NAA15: variants seen among roughly 807,000 people sequenced by gnomAD.
NAA15 encodes the protein N-alpha-acetyltransferase 15, NatA auxiliary subunit.
Under a neutral mutation model 114.0 loss-of-function variants are expected in NAA15, and 34 were observed. The observed-to-expected ratio is 0.30, with a 90% confidence interval of 0.23 to 0.40. NAA15 has a LOEUF of 0.40. Ranked by LOEUF, NAA15 falls within the 10% of genes least tolerant of loss-of-function variation. The pLI is 1.00. For missense variants in NAA15, 658 were observed against 1,004.5 expected, an observed-to-expected ratio of 0.66 and a Z score of 4.66; for synonymous variants, 340 against 338.0, an observed-to-expected ratio of 1.01 and a Z score of -0.06.
At chr4:139,378,613 G>T (rs1748655656) in intron 16 of NAA15, 143 bp from the exon 17 acceptor site, 2 of 424,824 alleles carry the variant, frequency 4.7e-6, no homozygotes, top group Non-Finnish European at 8.3e-6. Context: ...CTAAATTTGA[G>T]GAAAATCGTT....
intron 17 of NAA15, among the ~76,000 whole-genome samples, chr4:139,380,908 C>G (rs953480034): frequency 2.0e-5 from 3 of 152,084 alleles, no homozygotes; most frequent in African/African-American, 7.2e-5. Flanking sequence ...ATATTTGGTA[C>G]TTTAAAAAAA....
chr4:139,376,350 T>A lies in NAA15; in HGVS notation c.1948-15T>A, dbSNP rs1748580739. On this transcript the variant is annotated splice_polypyrimidine_tract_variant and intron_variant, in intron 15 of 19. Transcript: ENST00000296543. Reference sequence around the variant, plus strand: ...ACCTTAGTTTCATTTGTATAATATCTTTTATTTTTGTTAGGTTGAAACTCC... The same window carrying A: ...ACCTTAGTTTCATTTGTATAATATCATTTATTTTTGTTAGGTTGAAACTCC... 2.0e-6 allele frequency: 3 copies of A among 1,474,832 alleles called. No individual in the cohort carries two copies. The highest frequency in any genetic ancestry group is 2.8e-6 in the Non-Finnish European group (3 of 1,057,986). The allele number at this position is 1,474,832 out of a possible 1,614,324, so 91.4% of individuals were successfully genotyped here.
intron 1 of NAA15, among the ~76,000 whole-genome samples, chr4:139,319,600 G>T (rs1002189905): frequency 2.0e-5 from 3 of 151,198 alleles, no homozygotes; most frequent in Non-Finnish European, 4.4e-5. Flanking sequence ...CATGCCTGGA[G>T]AATTGTGTAT....
At chr4:139,321,240 T>A (rs1016718592) in intron 1 of NAA15, among the ~76,000 whole-genome samples, 5 of 152,122 alleles carry the variant, frequency 3.3e-5, no homozygotes, top group African/African-American at 1.2e-4. Flanking sequence ...TTTCTTAAGG[T>A]GACTTCTATT....
intron 1 of NAA15, among the ~76,000 whole-genome samples, chr4:139,317,620 T>A (rs574090735): frequency 6.6e-6 from 1 of 152,084 alleles, no homozygotes; most frequent in South Asian, 2.1e-4. Context: ...GACACTGTCT[T>A]GAAAAAACAA....
At position 139,349,628 on chromosome 4, in the gene NAA15, T is replaced by C. The variant is rs1203323644; in HGVS notation, c.811+47T>C. Reference sequence around the variant, plus strand: ...TAAGTTTTATTGTTTCTTTTGTTAATATATATTTTATTTACTCATTGAAAA... The same window carrying C: ...TAAGTTTTATTGTTTCTTTTGTTAACATATATTTTATTTACTCATTGAAAA... On this transcript the variant is annotated intron_variant, in intron 7 of 19. Coordinates refer to ENST00000296543, the MANE Select transcript of NAA15 (RefSeq NM_057175.5). The C allele has an allele frequency of 4.0e-6, 6 of 1,507,058 alleles. No individual in the cohort carries two copies. In the African/African-American group the frequency reaches 7.1e-5, roughly 18 times the overall value. The allele number at this position is 1,507,058 out of a possible 1,614,324, so 93.4% of individuals were successfully genotyped here.
At chr4:139,338,216 A>G (rs540791850) in intron 3 of NAA15, among the ~76,000 whole-genome samples, 33 of 152,326 alleles carry the variant, frequency 2.2e-4, no homozygotes, top group African/African-American at 6.7e-4. Flanking sequence ...GAGTGGAAAG[A>G]TAGGTAATGG....
At chr4:139,349,194 GT>G (rs917404212) in intron 6 of NAA15, among the ~76,000 whole-genome samples, 44 of 152,134 alleles carry the variant, frequency 2.9e-4, no homozygotes, top group African/African-American at 8.7e-4. Flanking sequence ...TTGAGTGAAT[GT>G]GAGAATCTGG....
Position 139,351,533 on chromosome 4 carries a change from G to A in NAA15, c.936G>A (p.Lys312=). The A allele has an allele frequency of 6.2e-7, 1 of 1,603,670 alleles. No individual in the cohort carries two copies. Among genetic ancestry groups the A allele is most frequent in the East Asian group, 2.2e-5 (1 of 44,728 alleles). ...AGAAGTTTAAAGAATGTTTGGATAA[G>A]TTCCTAAGGATGAATTTCAGCAAGG... is the stretch of plus-strand genomic sequence containing the variant. ...SGEKFKECLD[K]FLRMNFSKGC... The change falls in exon 9 of 20, where the codon AAG becomes AAA. Residue 312 remains lysine (K), a synonymous_variant. Transcript: ENST00000296543.
intron 17 of NAA15, among the ~76,000 whole-genome samples, chr4:139,382,111 C>T (rs1417078450): frequency 1.3e-5 from 2 of 152,110 alleles, no homozygotes; most frequent in Non-Finnish European, 2.9e-5. Flanking sequence ...TAATCTGTGA[C>T]ATATGATGTT....
chr4:139,356,400 G>A (rs1747951986), intron 10 of NAA15: 1 of 152,186 alleles, frequency 6.6e-6, no homozygotes, highest in Non-Finnish European at 1.5e-5. Flanking sequence ...TATTGGGTTG[G>A]TCATTGTTTC....
rs771419445 is a variant in NAA15 at position 139,310,628 on chromosome 4, T to C, written c.54+8797T>C. On this transcript the variant is annotated intron_variant, in intron 1 of 19. Transcript: ENST00000296543. ...TTTAATTTTAAATTTATTTTTATTA[T>C]TATTTTTTGAGACAGGGTTTTGCTC... Among the ~76,000 whole-genome samples the C allele has an allele frequency of 4.6e-5, 7 of 151,842 alleles. No homozygotes were observed. In the East Asian group the frequency reaches 1.4e-3, roughly 29 times the overall value.
At chr4:139,351,755 G>A (rs1400318840) in intron 9 of NAA15, 144 bp downstream of exon 9, 1 of 477,186 alleles carries the variant, frequency 2.1e-6, no homozygotes, top group East Asian at 3.2e-5. Flanking sequence ...AAATGCTTCT[G>A]ATTCCTCTTT....
chr4:139,351,060 G>A (rs928825158), intron 7 of NAA15, 131 bp from the exon 8 acceptor site: 4 of 478,246 alleles, frequency 8.4e-6, no homozygotes, highest in Non-Finnish European at 1.5e-5. Flanking sequence ...AATAGTAGAT[G>A]TAAGATTACA....
intron 5 of NAA15, 82 bp from the exon 6 acceptor site, chr4:139,344,104 T>C (rs1040012588): frequency 2.2e-5 from 27 of 1,250,950 alleles, no homozygotes; most frequent in Non-Finnish European, 2.9e-5. Context: ...TTTGACTTCT[T>C]ACATGTTTTT....
At position 139,340,922 on chromosome 4, in the gene NAA15, T is replaced by A; in HGVS notation, c.255T>A (p.Val85=). ...AACTAAATTCTTTAGGTTGGCACGTTTATGGCCTTCTTCAGAGGTCAGACA... is the reference window on the plus strand; with the variant it reads ...AACTAAATTCTTTAGGTTGGCACGTATATGGCCTTCTTCAGAGGTCAGACA... ...NDLKSHVCWH[V]YGLLQRSDKK... The change falls in exon 4 of 20, where the codon GTT becomes GTA. Residue 85 remains valine (V), a synonymous_variant. Coordinates refer to ENST00000296543, the MANE Select transcript of NAA15 (RefSeq NM_057175.5). 1 of 1,576,660 alleles carries A rather than the reference T, an allele frequency of 6.3e-7. No individual in the cohort carries two copies. Among genetic ancestry groups the A allele is most frequent in the African/African-American group, 1.4e-5 (1 of 73,102 alleles).
chr4:139,327,067 T>C (rs1437949418), intron 1 of NAA15, among the ~76,000 whole-genome samples: 1 of 151,890 alleles, frequency 6.6e-6, no homozygotes, highest in Admixed American at 6.6e-5. Flanking sequence ...TCCTGAGTAG[T>C]TGGGCCTAAA....
intron 2 of NAA15, among the ~76,000 whole-genome samples, chr4:139,336,278 A>C (rs913181384): frequency 6.6e-6 from 1 of 152,190 alleles, no homozygotes; most frequent in Non-Finnish European, 1.5e-5. Context: ...CTGAAAACTT[A>C]ATATTTCTTT....
chr4:139,381,690 C>A (rs966192789), intron 17 of NAA15, among the ~76,000 whole-genome samples: 4 of 152,074 alleles, frequency 2.6e-5, no homozygotes, highest in Admixed American at 2.0e-4. Flanking sequence ...AAAATAAGAA[C>A]ATTTTTTACC....
Sources: allele counts gnomAD v4.1 joint callset (sites outside exome capture counted in the v4.1 genomes callset), GRCh38; gene constraint gnomAD v4.1.1; transcripts MANE v1.5; gene names NCBI Gene and HGNC (gene_info 2026-07-23, HGNC 2026-07-21).